LARGE1: variants seen among roughly 807,000 people sequenced by gnomAD.
The protein encoded by LARGE1 is LARGE xylosyl- and glucuronyltransferase 1.
LARGE1 carries 43 observed loss-of-function variants against 87.6 expected under a neutral mutation model. That is an observed-to-expected ratio of 0.49 (90% CI 0.38 to 0.63). LARGE1 has a LOEUF of 0.63. Among genes scored for constraint, LARGE1 ranks in the 30% least tolerant of loss-of-function variants. The pLI, the probability that LARGE1 is intolerant of heterozygous loss-of-function variation, is 0.00. For missense variants in LARGE1, 802 were observed against 1,000.2 expected (o/e 0.80, Z 2.67); for synonymous variants, 434 against 394.6 (o/e 1.10, Z -1.18).
intron 1 of LARGE1, among the ~76,000 whole-genome samples, chr22:33,766,155 C>G (rs2084893802): frequency 6.6e-6 from 1 of 152,134 alleles, no homozygotes; most frequent in Non-Finnish European, 1.5e-5. Flanking sequence ...CGAACATGTG[C>G]AAATGTTGGC....
At chr22:33,662,508 G>A (rs1206091536) in intron 2 of LARGE1, among the ~76,000 whole-genome samples, 1 of 152,040 alleles carries the variant, frequency 6.6e-6, no homozygotes, top group Non-Finnish European at 1.5e-5. Context: ...GAGACCACCT[G>A]CTATGCAAGC....
At chr22:33,596,549 C>A (rs1302572947) in intron 5 of LARGE1, among the ~76,000 whole-genome samples, 1 of 152,136 alleles carries the variant, frequency 6.6e-6, no homozygotes, top group East Asian at 1.9e-4. Context: ...ACCTCTGTCA[C>A]CCTGCCGAAT....
intron 6 of LARGE1, among the ~76,000 whole-genome samples, chr22:33,544,426 C>T (rs1022308148): frequency 2.6e-5 from 4 of 152,142 alleles, no homozygotes; most frequent in Middle Eastern, 3.2e-3. Context: ...GTGGCTCACG[C>T]CTGTAATCCC....
At chr22:33,117,686 C>T in the LARGE1 span, among the ~76,000 whole-genome samples, 3 of 152,094 alleles carry the variant, frequency 2.0e-5, no homozygotes, top group African/African-American at 7.2e-5. Flanking sequence ...AAACAGTGCT[C>T]ACAAAGAGGC....
intron 6 of LARGE1, among the ~76,000 whole-genome samples, chr22:33,529,272 C>T (rs1170026400): frequency 1.3e-5 from 2 of 152,292 alleles, no homozygotes; most frequent in East Asian, 3.9e-4. Flanking sequence ...CAGCCCAAGC[C>T]CTGAGCTCTC....
intron 6 of LARGE1, among the ~76,000 whole-genome samples, chr22:33,500,176 T>G (rs1055197581): frequency 6.6e-6 from 1 of 152,218 alleles, no homozygotes; most frequent in Admixed American, 6.5e-5. Flanking sequence ...CTATGTTTCT[T>G]TTTTCTTTTA....
chr22:33,486,956 T>C (rs1483119759), intron 6 of LARGE1, among the ~76,000 whole-genome samples: 1 of 152,236 alleles, frequency 6.6e-6, no homozygotes, highest in Non-Finnish European at 1.5e-5. Context: ...TGTGCTCTTA[T>C]TGTAATTCTG....
At chr22:33,830,859 TAGA>T (rs755362279) in intron 1 of LARGE1, among the ~76,000 whole-genome samples, 1 of 152,182 alleles carries the variant, frequency 6.6e-6, no homozygotes, top group African/African-American at 2.4e-5. Flanking sequence ...TGCCCTCACG[TAGA>T]AGAAGAGGTG....
At chr22:33,348,289 C>CCAAAAA (rs1569081859) in intron 9 of LARGE1, among the ~76,000 whole-genome samples, 3 of 124,054 alleles carry the variant, frequency 2.4e-5, no homozygotes, top group Non-Finnish European at 3.4e-5. Context: ...CACCCCCCCC[C>CCAAAAA]AAAAAAAAAG....
At chr22:33,788,607 G>A (rs1479530483) in intron 1 of LARGE1, among the ~76,000 whole-genome samples, 2 of 152,220 alleles carry the variant, frequency 1.3e-5, no homozygotes, top group Admixed American at 6.5e-5. Flanking sequence ...GGACAATGAA[G>A]TCCAGGTTAA....
intron 6 of LARGE1, among the ~76,000 whole-genome samples, chr22:33,468,173 T>C (rs1386104162): frequency 6.6e-6 from 1 of 152,204 alleles, no homozygotes; most frequent in Non-Finnish European, 1.5e-5. Flanking sequence ...GATCAGAGCA[T>C]TCATTCCTTT....
intron 6 of LARGE1, among the ~76,000 whole-genome samples, chr22:33,502,002 G>C (rs1312366642): frequency 6.6e-6 from 1 of 152,034 alleles, no homozygotes; most frequent in East Asian, 1.9e-4. Flanking sequence ...AGACTAGCCT[G>C]GTCAACGTGG....
At chr22:33,732,130 G>A (rs537934207) in intron 2 of LARGE1, 1 of 152,308 alleles carries the variant, frequency 6.6e-6, no homozygotes, top group South Asian at 2.1e-4. Flanking sequence ...AGTGATAGTA[G>A]GCACCATGTC....
chr22:33,478,149 G>A (rs1173240574), intron 6 of LARGE1, among the ~76,000 whole-genome samples: 3 of 152,184 alleles, frequency 2.0e-5, no homozygotes, highest in Non-Finnish European at 4.4e-5. Flanking sequence ...TCCAGAGGGA[G>A]CAATAACATG....
chr22:33,262,259 C>T (rs1342292544), intron 11 of LARGE1, among the ~76,000 whole-genome samples: 1 of 152,188 alleles, frequency 6.6e-6, no homozygotes, highest in African/African-American at 2.4e-5. Flanking sequence ...CATGCCCAGG[C>T]CTACCACTTC....
intron 10 of LARGE1, among the ~76,000 whole-genome samples, chr22:33,327,731 G>A (rs956904705): frequency 1.3e-5 from 2 of 152,118 alleles, no homozygotes; most frequent in Admixed American, 1.3e-4. Flanking sequence ...TCACAGAGAC[G>A]AGGTCTCACT....
At chr22:33,271,266 C>G (rs924608844), downstream of LARGE1, among the ~76,000 whole-genome samples, 1 of 152,166 alleles carries the variant, frequency 6.6e-6, no homozygotes, top group Admixed American at 6.5e-5. Context: ...AGTAGCATTG[C>G]AGGTTATGTG....
chr22:33,488,017 G>A (rs1240765203), intron 6 of LARGE1, among the ~76,000 whole-genome samples: 1 of 152,124 alleles, frequency 6.6e-6, no homozygotes, highest in East Asian at 1.9e-4. Context: ...AAAGTACTGG[G>A]GAGGAATTTT....
chr22:33,384,170 A>G, intron 8 of LARGE1, 22 bp downstream of exon 8: 1 of 1,525,856 alleles, frequency 6.6e-7, no homozygotes, highest in South Asian at 1.1e-5. Context: ...GAATAGCTGC[A>G]CCTTCGAACC....
Sources: gnomAD v4.1 joint callset for allele counts (sites outside exome capture counted in the v4.1 genomes callset) on GRCh38, gnomAD v4.1.1 for gene constraint, MANE v1.5 for transcripts, NCBI Gene and HGNC (gene_info 2026-07-23, HGNC 2026-07-21) for gene names.